The following LUZP2 variants were observed in gnomAD, a reference collection of about 807,000 sequenced individuals.
LUZP2 encodes the protein leucine zipper protein 2.
In LUZP2, 52 loss-of-function variants were observed where a neutral mutation model predicts 51.6. That is an observed-to-expected ratio of 1.01 (90% CI 0.81 to 1.27). The LOEUF (loss-of-function observed/expected upper bound fraction) is 1.27, where lower values mean the gene tolerates loss of function less well. Ranked by LOEUF, LUZP2 falls within the 50% of genes most tolerant of loss-of-function variation. LUZP2 has a pLI of 0.00. For missense variants in LUZP2, 436 were observed against 395.4 expected, an observed-to-expected ratio of 1.10 and a Z score of -0.87; for synonymous variants, 154 against 137.3, an observed-to-expected ratio of 1.12 and a Z score of -0.85.
chr11:24,910,278 GA>G (rs770201748), intron 6 of LUZP2, among the ~76,000 whole-genome samples: 13 of 152,152 alleles, frequency 8.5e-5, no homozygotes, highest in Non-Finnish European at 1.6e-4. Flanking sequence ...ATTTTCTGGA[GA>G]GCAATTCAAG....
intron 1 of LUZP2, among the ~76,000 whole-genome samples, chr11:24,509,045 T>A (rs187392737): frequency 6.6e-6 from 1 of 152,140 alleles, no homozygotes; most frequent in Admixed American, 6.6e-5. Context: ...ACATGTAGAA[T>A]GATGGGACAA....
intron 7 of LUZP2, among the ~76,000 whole-genome samples, chr11:24,928,502 A>G (rs1188608024): frequency 6.6e-6 from 1 of 151,944 alleles, no homozygotes; most frequent in Non-Finnish European, 1.5e-5. Context: ...AATTTTTTAG[A>G]AAAATTCTTC....
intron 5 of LUZP2, among the ~76,000 whole-genome samples, chr11:24,802,488 G>A (rs979919356): frequency 2.6e-5 from 4 of 151,432 alleles, no homozygotes; most frequent in African/African-American, 9.7e-5. Flanking sequence ...AAAATTTGCT[G>A]AAGTACACAT....
At chr11:24,605,054 T>G (rs1291849533) in intron 1 of LUZP2, among the ~76,000 whole-genome samples, 2 of 151,784 alleles carry the variant, frequency 1.3e-5, no homozygotes, top group Non-Finnish European at 1.5e-5. Context: ...ATAACAATTA[T>G]TAATCATCCC....
intron 7 of LUZP2, among the ~76,000 whole-genome samples, chr11:24,976,096 GT>G (rs1261497823): frequency 1.3e-5 from 2 of 151,804 alleles, no homozygotes; most frequent in Non-Finnish European, 2.9e-5. Flanking sequence ...TATCTCTGTT[GT>G]TTTTTTCCTC....
chr11:24,500,541 G>A (rs1055619833), intron 1 of LUZP2, among the ~76,000 whole-genome samples: 13 of 152,184 alleles, frequency 8.5e-5, no homozygotes, highest in Non-Finnish European at 1.9e-4. Flanking sequence ...GAAAGTAATG[G>A]TAGGGTGAAA....
At chr11:24,762,373 T>C (rs1402539081) in intron 4 of LUZP2, among the ~76,000 whole-genome samples, 1 of 152,164 alleles carries the variant, frequency 6.6e-6, no homozygotes, top group Non-Finnish European at 1.5e-5. Context: ...TAAAGGCATA[T>C]AACACAAAAA....
At chr11:24,535,156 A>G (rs1242349954) in intron 1 of LUZP2, among the ~76,000 whole-genome samples, 1 of 150,678 alleles carries the variant, frequency 6.6e-6, no homozygotes, top group African/African-American at 2.4e-5. Context: ...AAAAGGTAGT[A>G]GTGATCATCT....
At chr11:24,550,514 A>AC (rs1159153655) in intron 1 of LUZP2, among the ~76,000 whole-genome samples, 3 of 152,074 alleles carry the variant, frequency 2.0e-5, no homozygotes, top group African/African-American at 7.2e-5. Flanking sequence ...TTGAATGTAA[A>AC]CCAGATGGCC....
At chr11:24,532,914 A>G (rs1374655921) in intron 1 of LUZP2, among the ~76,000 whole-genome samples, 4 of 151,232 alleles carry the variant, frequency 2.6e-5, no homozygotes, top group Non-Finnish European at 5.9e-5. Context: ...TTTGATAAAC[A>G]TAAATCTTAA....
At chr11:24,523,107 T>A (rs1590133960) in intron 1 of LUZP2, among the ~76,000 whole-genome samples, 1 of 152,194 alleles carries the variant, frequency 6.6e-6, no homozygotes, top group Non-Finnish European at 1.5e-5. Context: ...CTGACTTGCT[T>A]TCTGTCAGCA....
chr11:24,750,015 C>G (rs1423757848), intron 4 of LUZP2, among the ~76,000 whole-genome samples: 1 of 152,116 alleles, frequency 6.6e-6, no homozygotes, highest in Non-Finnish European at 1.5e-5. Flanking sequence ...TAGTTCTGTC[C>G]CTCTGGAGAA....
chr11:24,709,985 T>C (rs4278517), intron 1 of LUZP2, among the ~76,000 whole-genome samples: 59,728 of 151,976 alleles, frequency 0.39, 12,596 homozygotes, highest in East Asian at 0.75. Flanking sequence ...CCTCCTGTTA[T>C]ATGCTCCCAC....
At chr11:24,566,068 G>A (rs1852202406) in intron 1 of LUZP2, among the ~76,000 whole-genome samples, 1 of 151,494 alleles carries the variant, frequency 6.6e-6, no homozygotes, top group Non-Finnish European at 1.5e-5. Context: ...AAATTACAAG[G>A]CATGTACATA....
chr11:24,544,099 T>C (rs1851465361), intron 1 of LUZP2, among the ~76,000 whole-genome samples: 1 of 151,812 alleles, frequency 6.6e-6, no homozygotes, highest in African/African-American at 2.4e-5. Context: ...TCATTCCAAC[T>C]TCCGGTGCTG....
chr11:24,975,541 A>G (rs1855861571), intron 7 of LUZP2, among the ~76,000 whole-genome samples: 1 of 152,078 alleles, frequency 6.6e-6, no homozygotes, highest in African/African-American at 2.4e-5. Context: ...CAAAGGATGA[A>G]TGGATAAATG....
In LUZP2 at chr11:24,963,882, G is replaced by A. The variant is rs1300850710; in HGVS notation, c.523-12709G>A. On this transcript the variant is annotated intron_variant, in intron 7 of 11. Coordinates refer to ENST00000336930, the MANE Select transcript of LUZP2 (RefSeq NM_001009909.4). ...TTGCTCATGCTGGGAGCTGTAGACC[G>A]GAGCTGTTCCTATTTGGCCATCTTG... is the stretch of plus-strand genomic sequence containing the variant. 4.6e-5 allele frequency among the ~76,000 whole-genome samples: 7 copies of A among 152,296 alleles called. No individual in the cohort carries two copies. In the South Asian group the frequency reaches 1.0e-3, roughly 23 times the overall value.
intron 1 of LUZP2, among the ~76,000 whole-genome samples, chr11:24,515,174 A>G (rs1489517877): frequency 1.3e-5 from 2 of 152,194 alleles, no homozygotes; most frequent in Admixed American, 1.3e-4. Flanking sequence ...ACAATCATCT[A>G]GAATGTTATT....
At chr11:25,029,412 C>T (rs1490445574) in intron 9 of LUZP2, among the ~76,000 whole-genome samples, 1 of 151,944 alleles carries the variant, frequency 6.6e-6, no homozygotes, top group East Asian at 1.9e-4. Flanking sequence ...AACAATACTT[C>T]AAATATGAAC....
Sources: allele counts gnomAD v4.1 joint callset (sites outside exome capture counted in the v4.1 genomes callset), GRCh38; gene constraint gnomAD v4.1.1; transcripts MANE v1.5; gene names NCBI Gene and HGNC (gene_info 2026-07-23, HGNC 2026-07-21).